The following DLGAP2 variants were observed in gnomAD, a reference collection of about 807,000 sequenced individuals.
DLGAP2 encodes the protein DLG associated protein 2, also known as disks large-associated protein 2.
In DLGAP2, 26 loss-of-function variants were observed where a neutral mutation model predicts 100.3. The observed-to-expected ratio is 0.26, with a 90% confidence interval of 0.19 to 0.36. The LOEUF is 0.36. Among genes scored for constraint, DLGAP2 ranks in the 10% least tolerant of loss-of-function variants. The pLI is 1.00. For missense variants in DLGAP2, 1,858 were observed against 1,453.2 expected (o/e 1.28, Z -4.53); for synonymous variants, 886 against 630.1 (o/e 1.41, Z -6.08).
intron 2 of DLGAP2, among the ~76,000 whole-genome samples, chr8:1,186,739 C>T (rs59987561): frequency 2.6e-5 from 4 of 152,090 alleles, no homozygotes; most frequent in Non-Finnish European, 4.4e-5. Flanking sequence ...GATAATTTCA[C>T]GTCGTCGCCT....
At chr8:849,923 G>A (rs921880396) in intron 1 of DLGAP2, among the ~76,000 whole-genome samples, 3 of 152,054 alleles carry the variant, frequency 2.0e-5, no homozygotes, top group Non-Finnish European at 4.4e-5. Flanking sequence ...CATTAGCTGG[G>A]CCTGGTGCTG....
At chr8:1,417,323 G>A (rs1022167826) in intron 3 of DLGAP2, among the ~76,000 whole-genome samples, 8 of 151,808 alleles carry the variant, frequency 5.3e-5, no homozygotes, top group African/African-American at 2.4e-5. Flanking sequence ...GCCCAGGTTC[G>A]ACAGCATCTC....
At position 1,189,228 on chromosome 8, in the gene DLGAP2, C is replaced by T. The variant is rs934811888; in HGVS notation, c.74-69623C>T. 3.5e-4 allele frequency among the ~76,000 whole-genome samples: 52 copies of T among 146,742 alleles called. 9 individuals carry two copies. Among genetic ancestry groups the T allele is most frequent in the African/African-American group, 1.3e-3 (49 of 36,854 alleles). ...CAGGATTTGGGCCCCAGGCCGGTTC[C>T]GCGGTTGGGGTTGAGCATACACAGG... On this transcript the variant is annotated intron_variant, in intron 2 of 14. Transcript: ENST00000637795.
chr8:1,639,008 T>G (rs1001777706), intron 8 of DLGAP2, among the ~76,000 whole-genome samples: 2 of 152,066 alleles, frequency 1.3e-5, no homozygotes, highest in Non-Finnish European at 2.9e-5. Flanking sequence ...TGGATTGGGA[T>G]GAAGTGCCCA....
intron 2 of DLGAP2, among the ~76,000 whole-genome samples, chr8:1,097,964 A>G (rs954206054): frequency 6.6e-6 from 1 of 152,250 alleles, no homozygotes; most frequent in African/African-American, 2.4e-5. Context: ...TCTGCCTTTG[A>G]CTGAGTCTGC....
chr8:1,593,588 C>A (rs920157249), intron 6 of DLGAP2, among the ~76,000 whole-genome samples: 1 of 152,032 alleles, frequency 6.6e-6, no homozygotes, highest in African/African-American at 2.4e-5. Context: ...GAATTCCTAC[C>A]CTGGCACAGC....
At chr8:1,470,746 T>TCCAG (rs1798758908) in intron 3 of DLGAP2, among the ~76,000 whole-genome samples, 1 of 4,374 alleles carries the variant, frequency 2.3e-4, no homozygotes, top group Non-Finnish European at 4.0e-4. Flanking sequence ...CTTCCCCGAC[T>TCCAG]CCTTCCCCGA....
At chr8:1,586,936 G>A (rs1796139984) in intron 6 of DLGAP2, among the ~76,000 whole-genome samples, 1 of 152,198 alleles carries the variant, frequency 6.6e-6, no homozygotes, top group South Asian at 2.1e-4. Context: ...TGCAGCTAAG[G>A]AGATTCTGAC....
chr8:1,553,948 G>T (rs189092395), intron 5 of DLGAP2, among the ~76,000 whole-genome samples: 1 of 152,312 alleles, frequency 6.6e-6, no homozygotes, highest in East Asian at 1.9e-4. Flanking sequence ...TTTACAAAAT[G>T]GAGCCAGGCT....
intron 1 of DLGAP2, among the ~76,000 whole-genome samples, chr8:884,740 C>A (rs190444694): frequency 2.6e-5 from 4 of 152,252 alleles, no homozygotes; most frequent in African/African-American, 7.2e-5. Flanking sequence ...CCTAGGTTTT[C>A]TTCTAGGATT....
intron 4 of DLGAP2, among the ~76,000 whole-genome samples, chr8:1,539,434 C>T (rs1457231392): frequency 6.6e-6 from 1 of 152,132 alleles, no homozygotes; most frequent in Non-Finnish European, 1.5e-5. Context: ...TGATGGACGG[C>T]TCTAATCTCG....
chr8:824,589 C>T lies in DLGAP2; in HGVS notation c.19-83323C>T, dbSNP rs536809032. Among the ~76,000 whole-genome samples, 4 of 152,186 alleles carry T rather than the reference C, an allele frequency of 2.6e-5. No individual in the cohort carries two copies. In the East Asian group the frequency reaches 7.8e-4, roughly 30 times the overall value. On this transcript the variant is annotated intron_variant, in intron 1 of 14. Coordinates refer to ENST00000637795, the MANE Select transcript of DLGAP2 (RefSeq NM_001346810.2). ...ACCTGTGTTCCCCTTGTCCTGGCCC[C>T]AGTCCTGGCTCCGGGAGCTTCCCCT... is the stretch of plus-strand genomic sequence containing the variant.
intron 3 of DLGAP2, among the ~76,000 whole-genome samples, chr8:1,425,503 T>A (rs990415958): frequency 2.0e-5 from 3 of 152,186 alleles, no homozygotes; most frequent in African/African-American, 7.2e-5. Context: ...GGGTCTTCCC[T>A]GAGGACAGAC....
intron 3 of DLGAP2, among the ~76,000 whole-genome samples, chr8:1,453,668 ACT>A (rs1382025731): frequency 6.6e-6 from 1 of 152,100 alleles, no homozygotes; most frequent in Non-Finnish European, 1.5e-5. Flanking sequence ...ACCCAGCCGA[ACT>A]CTCTACCTGG....
rs372202341 is a variant in DLGAP2, at chr8:942,446, A to G, written c.73+34480A>G. Among the ~76,000 whole-genome samples the G allele has an allele frequency of 7.4e-4, 112 of 152,284 alleles. 1 individual carries two copies. The South Asian group carries it at 0.017, about 23-fold the overall frequency. The stretch of plus-strand genomic sequence containing the variant: ...AAACCAGAGTCCCCACCTGGGATGT[A>G]CTTTTCCCACTCACATCATCCAGAA... On this transcript the variant is annotated intron_variant, in intron 2 of 14. Transcript: ENST00000637795.
At chr8:834,205 C>G (rs1353312590) in intron 1 of DLGAP2, among the ~76,000 whole-genome samples, 1 of 152,216 alleles carries the variant, frequency 6.6e-6, no homozygotes, top group Non-Finnish European at 1.5e-5. Flanking sequence ...AGACCATGGG[C>G]TGACGAGTCC....
chr8:1,136,298 C>T lies in DLGAP2; in HGVS notation c.74-122553C>T, dbSNP rs760176740. Among the ~76,000 whole-genome samples, 7 of 132,676 alleles carry T rather than the reference C, an allele frequency of 5.3e-5. No individual in the cohort carries two copies. The East Asian group carries it at 8.6e-4, about 16-fold the overall frequency. The allele number at this position is 132,676 out of a possible 152,430, so 87.0% of individuals were successfully genotyped here. A position where few individuals can be genotyped will look rare whatever the true frequency, so the allele number is the denominator to read the frequency against. ...TTACCAGCGAATAGACTTCAAACCT[C>T]GTAAAAAAAAACTCCCCTCCCATCA... On this transcript the variant is annotated intron_variant, in intron 2 of 14. Coordinates refer to ENST00000637795, the MANE Select transcript of DLGAP2 (RefSeq NM_001346810.2).
At chr8:760,984 T>A (rs866457563) in intron 1 of DLGAP2, among the ~76,000 whole-genome samples, 20 of 152,320 alleles carry the variant, frequency 1.3e-4, no homozygotes, top group African/African-American at 4.6e-4. Flanking sequence ...TCCAGGCTCA[T>A]GGGCATTTTG....
At chr8:1,593,143 C>G (rs547041657) in intron 6 of DLGAP2, among the ~76,000 whole-genome samples, 2 of 152,234 alleles carry the variant, frequency 1.3e-5, no homozygotes, top group African/African-American at 4.8e-5. Context: ...GATTTGTGGA[C>G]AAATTCCCTT....
Sources: gnomAD v4.1 joint callset for allele counts (sites outside exome capture counted in the v4.1 genomes callset) on GRCh38, gnomAD v4.1.1 for gene constraint, MANE v1.5 for transcripts, NCBI Gene and HGNC (gene_info 2026-07-23, HGNC 2026-07-21) for gene names.